AKTIP: variants seen among roughly 807,000 people sequenced by gnomAD.
AKTIP encodes AKT-interacting protein.
A neutral mutation model predicts 39.1 loss-of-function variants in AKTIP; 16 were observed. That is an observed-to-expected ratio of 0.41 (90% CI 0.28 to 0.62). AKTIP has a LOEUF of 0.62. Ranked by LOEUF, AKTIP falls within the 20% of genes least tolerant of loss-of-function variation. The pLI, the probability that AKTIP is intolerant of heterozygous loss-of-function variation, is 0.32. For synonymous variants in AKTIP, 93 were observed against 124.3 expected, an observed-to-expected ratio of 0.75 and a Z score of 1.67; for missense variants, 262 against 356.6, an observed-to-expected ratio of 0.73 and a Z score of 2.14.
intron 7 of AKTIP, 29 bp downstream of exon 7, chr16:53,494,309 AT>A (rs1188814466): frequency 6.2e-7 from 1 of 1,612,378 alleles, no homozygotes; most frequent in Non-Finnish European, 8.5e-7. Context: ...CTTCAAATTT[AT>A]TTTAAATAAC....
intron 1 of AKTIP, among the ~76,000 whole-genome samples, chr16:53,501,950 C>T (rs1962194376): frequency 6.6e-6 from 1 of 152,184 alleles, no homozygotes; most frequent in Non-Finnish European, 1.5e-5. Context: ...CAAATGAAGA[C>T]ACTGATTTTC....
At chr16:53,492,957 C>G in intron 8 of AKTIP, 1 of 554,934 alleles carries the variant, frequency 1.8e-6, no homozygotes. Context: ...TTAAGCCTCA[C>G]ACCACCCCTT....
chr16:53,503,237 G>C (rs1026125625), upstream of AKTIP: 5 of 127,492 alleles, frequency 3.9e-5, no homozygotes, highest in Non-Finnish European at 8.0e-5. Flanking sequence ...GCCCCTGCTT[G>C]ATCCCCGCCC....
rs1219941987 is a variant in AKTIP at position 53,500,279 on chromosome 16, G to C, written c.-20C>G. The C allele has an allele frequency of 1.2e-6, 2 of 1,610,520 alleles. No individual in the cohort carries two copies. The highest frequency in any genetic ancestry group is 1.7e-6 in the Non-Finnish European group (2 of 1,178,894). On this transcript the variant is annotated 5_prime_UTR_variant, in exon 2 of 10. Coordinates refer to ENST00000394657, the MANE Select transcript of AKTIP (RefSeq NM_022476.4). ...GTTCATAACGTGTATTCCAAACAAA[G>C]AAAGTCAGTGGTGTATCATCCAAAT...
Position 53,493,931 on chromosome 16 carries a change from G to A in AKTIP, c.710+207C>T, listed in dbSNP as rs530350382. On this transcript the variant is annotated intron_variant, in intron 8 of 9. Coordinates refer to ENST00000394657, the MANE Select transcript of AKTIP (RefSeq NM_022476.4). ...CAAAGTCACCAGAGAATGTGCTGTC[G>A]GCACAGCCTGTCAGATGTGAAGCTT... The A allele has an allele frequency of 1.9e-5, 10 of 531,706 alleles. No individual in the cohort carries two copies. The Admixed American group carries it at 2.3e-4, about 12-fold the overall frequency. 32.9% of individuals were successfully genotyped at this position (531,706 alleles called of 1,614,324 possible). A position where few individuals can be genotyped will look rare whatever the true frequency, so the allele number is the denominator to read the frequency against.
At chr16:53,493,876 A>G in intron 8 of AKTIP, 1 of 459,788 alleles carries the variant, frequency 2.2e-6, no homozygotes, top group Non-Finnish European at 3.9e-6. Context: ...ATGGGAATGA[A>G]TAAATATATC....
At position 53,494,265 on chromosome 16, in the gene AKTIP, C is replaced by G. The variant is rs1053737418; in HGVS notation, c.603-20G>C. 3 of 1,611,900 alleles carry G rather than the reference C, an allele frequency of 1.9e-6. No homozygotes were observed. The highest frequency in any genetic ancestry group is 1.7e-6 in the Non-Finnish European group (2 of 1,178,384). ...TCATACCTGTGTTAAAAGTTTAAGT[C>G]AAAAAGTTACTAACTTAATCTACTT... On this transcript the variant is annotated intron_variant, in intron 7 of 9. Coordinates refer to ENST00000394657, the MANE Select transcript of AKTIP (RefSeq NM_022476.4).
In AKTIP at chr16:53,495,337, A is replaced by C. The variant is rs771459385; in HGVS notation, c.249-11T>G. ...TTCACAACCAAGGTACTACAACAAA[A>C]GCAGAATAATTAACTTGTGTGGATA... On this transcript the variant is annotated splice_polypyrimidine_tract_variant and intron_variant, in intron 3 of 9. Coordinates refer to ENST00000394657, the MANE Select transcript of AKTIP (RefSeq NM_022476.4). 2.5e-6 allele frequency: 4 copies of C among 1,614,024 alleles called. No homozygotes were observed. The highest frequency in any genetic ancestry group is 3.4e-6 in the Non-Finnish European group (4 of 1,179,876).
chr16:53,503,073 T>G (rs1962277783), intron 1 of AKTIP, 74 bp downstream of exon 1: 1 of 152,228 alleles, frequency 6.6e-6, no homozygotes, highest in Admixed American at 6.5e-5. Flanking sequence ...GCCGGGCCCG[T>G]GGAGGCTGGC....
Position 53,498,560 on chromosome 16 carries a change from C to A in AKTIP, c.79G>T (p.Val27Leu), listed in dbSNP as rs776539900. ...EGEEKTLTGD[V>L]KTSPPRTAPK... ...GCAGTTCGTGGAGGACTGGTTTTCA[C>A]GTCCCCTGTTAATGTCTTCTCTTCA... The change falls in exon 3 of 10, where the codon GTG becomes TTG. Residue 27 changes from valine (V) to leucine (L), a missense_variant. Physicochemically the swap from Val to Leu is conservative, Grantham distance 32. Transcript: ENST00000394657. 2 of 1,614,090 alleles carry A rather than the reference C, an allele frequency of 1.2e-6. No homozygotes were observed. Among genetic ancestry groups the A allele is most frequent in the African/African-American group, 1.3e-5 (1 of 75,048 alleles).
At chr16:53,502,990 T>C (rs997326690) in intron 1 of AKTIP, 157 bp downstream of exon 1, 1 of 152,192 alleles carries the variant, frequency 6.6e-6, no homozygotes, top group African/African-American at 2.4e-5. Flanking sequence ...CGCGCACAGG[T>C]GCCCGGCCCC....
At chr16:53,495,449 C>G in intron 3 of AKTIP, 123 bp from the exon 4 acceptor site, 1 of 848,018 alleles carries the variant, frequency 1.2e-6, no homozygotes, top group Non-Finnish European at 1.9e-6. Flanking sequence ...CCAAACCCTG[C>G]AAGCCAAGTT....
At chr16:53,493,876 A>AT (rs1444725047) in intron 8 of AKTIP, 3 of 459,668 alleles carry the variant, frequency 6.5e-6, no homozygotes, top group Non-Finnish European at 1.2e-5. Flanking sequence ...ATGGGAATGA[A>AT]TAAATATATC....
intron 1 of AKTIP, among the ~76,000 whole-genome samples, chr16:53,500,821 T>C (rs1345706022): frequency 2.6e-5 from 4 of 152,248 alleles, no homozygotes; most frequent in African/African-American, 9.6e-5. Context: ...ACCCACCTCC[T>C]TTTCTGGTTC....
intron 2 of AKTIP, among the ~76,000 whole-genome samples, chr16:53,499,499 A>G (rs1442211009): frequency 2.1e-5 from 3 of 144,780 alleles, no homozygotes; most frequent in Non-Finnish European, 4.5e-5. Context: ...TCTGTTGCCC[A>G]GGCTGGAGTG....
At position 53,503,177 on chromosome 16, in the gene AKTIP, G is replaced by A. The variant is rs901526709; in HGVS notation, c.-101C>T. ...TGCCTTCAATGCAGAGCTCCTGGCT[G>A]CCAAGCGCCGCCGCGGCCCGACAGC... On this transcript the variant is annotated 5_prime_UTR_variant, in exon 1 of 10. It introduces an in-frame stop codon into an upstream open reading frame of the 5' UTR. Transcript: ENST00000394657. The A allele has an allele frequency of 2.1e-4, 33 of 154,698 alleles. No individual in the cohort carries two copies. The highest frequency in any genetic ancestry group is 7.5e-4 in the African/African-American group (31 of 41,600). The allele number at this position is 154,698 out of a possible 1,614,324, so 9.6% of individuals were successfully genotyped here. A position where few individuals can be genotyped will look rare whatever the true frequency, so the allele number is the denominator to read the frequency against.
At chr16:53,495,522 TGGC>T (rs1203064131) in intron 3 of AKTIP, among the ~76,000 whole-genome samples, 196 bp from the exon 4 acceptor site, 1 of 152,194 alleles carries the variant, frequency 6.6e-6, no homozygotes, top group African/African-American at 2.4e-5. Context: ...TGCCCACTAC[TGGC>T]CTCATAGCAG....
In AKTIP at chr16:53,491,346, A is replaced by G. The variant is rs1468553751; in HGVS notation, c.*1066T>C. 6.6e-6 allele frequency: 1 copy of G among 152,240 alleles called. No individual in the cohort carries two copies. Among genetic ancestry groups the G allele is most frequent in the Non-Finnish European group, 1.5e-5 (1 of 68,036 alleles). 9.4% of individuals were successfully genotyped at this position (152,240 alleles called of 1,614,324 possible). On this transcript the variant is annotated 3_prime_UTR_variant, in exon 10 of 10. Transcript: ENST00000394657. The stretch of plus-strand genomic sequence containing the variant: ...AGGTTTTTATTAGTACCATAGTACC[A>G]TTTATACAAATTAGAAAATGTTATT...
At chr16:53,493,053 C>T (rs1042014670) in intron 8 of AKTIP, 8 of 292,220 alleles carry the variant, frequency 2.7e-5, no homozygotes, top group East Asian at 1.5e-4. Context: ...ACAAAAGCCA[C>T]GTAGTCCATC....
Sources: gnomAD v4.1 joint callset for allele counts (sites outside exome capture counted in the v4.1 genomes callset) on GRCh38, gnomAD v4.1.1 for gene constraint, MANE v1.5 for transcripts, NCBI Gene and HGNC (gene_info 2026-07-23, HGNC 2026-07-21) for gene names.